Variants in ADAR observed in about 807,000 individuals in gnomAD.
ADAR encodes the protein adenosine deaminase RNA specific, also known as double-stranded RNA-specific adenosine deaminase.
A neutral mutation model predicts 113.2 loss-of-function variants in ADAR; 41 were observed. That is an observed-to-expected ratio of 0.36 (90% confidence interval 0.28 to 0.47). The LOEUF is 0.47. ADAR is among the 20% of genes least tolerant of loss of function. The probability of loss-of-function intolerance (pLI) is 1.00; values close to 1 mark genes in which losing one functional copy is unlikely to be tolerated. For missense variants in ADAR, 1,242 were observed against 1,540.9 expected (o/e 0.81, Z 3.25); for synonymous variants, 605 against 572.6 (o/e 1.06, Z -0.81).
At chr1:154,613,004 C>G (rs9426826), upstream of ADAR, among the ~76,000 whole-genome samples, 61,199 of 150,928 alleles carry the variant, frequency 0.41, 13,475 homozygotes, top group East Asian at 0.54. Context: ...GTAGAGACGG[C>G]GTTTCACCGT....
upstream of ADAR, chr1:154,627,979 T>G (rs1307694652): frequency 5.9e-6 from 3 of 508,922 alleles, no homozygotes; most frequent in Non-Finnish European, 1.2e-5. Context: ...AATGGTCTGG[T>G]CGCAGATTGG....
At chr1:154,587,707 G>A (rs1009988157) in intron 11 of ADAR, among the ~76,000 whole-genome samples, 1 of 152,186 alleles carries the variant, frequency 6.6e-6, no homozygotes, top group African/African-American at 2.4e-5. Flanking sequence ...CTAGACAGGA[G>A]GGGACCCCAG....
In ADAR at chr1:154,596,274, GCT is replaced by G. The variant is rs540933731; in HGVS notation, c.2270+529_2270+530del. 2.4e-3 allele frequency among the ~76,000 whole-genome samples: 361 copies of G among 152,184 alleles called. 8 individuals are homozygous for G. Among genetic ancestry groups the G allele is most frequent in the Admixed American group, 0.022 (329 of 15,290 alleles). ...ATGATTTTTTTCAAGATGGAGTCTT[GCT>G]CTGTTGCTCAGGCTGGAGTGCAGTG... On this transcript the variant is annotated intron_variant, in intron 6 of 14. Transcript: ENST00000368474.
rs558906089 is a variant in ADAR at position 154,584,438 on chromosome 1, C to T, written c.*368G>A. On this transcript the variant is annotated 3_prime_UTR_variant, in exon 15 of 15. Coordinates refer to ENST00000368474, the MANE Select transcript of ADAR (RefSeq NM_001111.5). ...GAGTTGACTGAAACCTAATCAAGAC[C>T]GCAAGAGGTCAGTGTAGCAAACACA... 174 of 230,000 alleles carry T rather than the reference C, an allele frequency of 7.6e-4. No individual in the cohort carries two copies. Among genetic ancestry groups the T allele is most frequent in the Non-Finnish European group, 1.1e-3 (133 of 116,314 alleles). 14.2% of individuals were successfully genotyped at this position (230,000 alleles called of 1,614,324 possible). A position where few individuals can be genotyped will look rare whatever the true frequency, so the allele number is the denominator to read the frequency against.
chr1:154,604,232 T>C (rs1026540609), intron 1 of ADAR, among the ~76,000 whole-genome samples: 7 of 152,260 alleles, frequency 4.6e-5, no homozygotes, highest in African/African-American at 9.6e-5. Context: ...CTGTGGGCCA[T>C]AGTTTCTTGA....
intron 1 of ADAR, among the ~76,000 whole-genome samples, chr1:154,604,196 T>A (rs1421697193): frequency 3.3e-5 from 5 of 152,356 alleles, no homozygotes; most frequent in South Asian, 2.1e-4. Flanking sequence ...CATGAAGCTT[T>A]ATTTATAAAA....
Position 154,584,978 on chromosome 1 carries a change from G to A in ADAR, c.3509C>T (p.Ser1170Phe), listed in dbSNP as rs1696650377. ...NIFLLFKKLCSFRYRRDLLRL... is the reference protein window; with the variant it reads ...NIFLLFKKLCFFRYRRDLLRL... Reference sequence around the variant, plus strand: ...CAGTAGATCCCTGCGGTAACGGAAGGAGCAGAGCTTCTTAAATAGAAGAAA... The same window carrying A: ...CAGTAGATCCCTGCGGTAACGGAAGAAGCAGAGCTTCTTAAATAGAAGAAA... Residue 1170 changes from serine to phenylalanine, a missense_variant, in exon 15 of 15, where the codon TCC becomes TTC. By Grantham distance (155) the Ser-to-Phe change is radical. Coordinates refer to ENST00000368474, the MANE Select transcript of ADAR (RefSeq NM_001111.5). The A allele has an allele frequency of 1.9e-6, 3 of 1,614,162 alleles. No homozygotes were observed. The highest frequency in any genetic ancestry group is 1.7e-6 in the Non-Finnish European group (2 of 1,180,032).
chr1:154,592,582 T>C (rs963330720), intron 6 of ADAR, among the ~76,000 whole-genome samples: 1 of 151,920 alleles, frequency 6.6e-6, no homozygotes, highest in Non-Finnish European at 1.5e-5. Context: ...GTATAACCAA[T>C]AGGACTTAAG....
Position 154,602,386 on chromosome 1 carries a change from T to C in ADAR, c.256A>G (p.Arg86Gly), listed in dbSNP as rs748523238. 2.5e-6 allele frequency: 4 copies of C among 1,602,754 alleles called. No homozygotes were observed. The highest frequency in any genetic ancestry group is 1.3e-5 in the African/African-American group (1 of 74,826). The change falls in exon 2 of 15, where the codon AGG becomes GGG. Residue 86 changes from arginine (R) to glycine (G), a missense_variant. Around this residue, in one of 2 missense-constraint regions of ADAR, gnomAD observed 462 missense variants for 483.1 expected, o/e 0.96. Coordinates refer to ENST00000368474, the MANE Select transcript of ADAR (RefSeq NM_001111.5). ...PVLLASSTRG[R>G]QVDIRGVPRG... Reference sequence around the variant, plus strand: ...GGGACACCCCTGATGTCCACTTGCCTGCCTCTGGTACTGGAGGCAAGTAGT... The same window carrying C: ...GGGACACCCCTGATGTCCACTTGCCCGCCTCTGGTACTGGAGGCAAGTAGT...
At chr1:154,618,388 T>C (rs1313350143) in intron 1 of ADAR, among the ~76,000 whole-genome samples, 2 of 152,134 alleles carry the variant, frequency 1.3e-5, no homozygotes, top group African/African-American at 2.4e-5. Flanking sequence ...TTACTGCAAA[T>C]ACTATGAGGT....
chr1:154,624,371 A>G (rs1220958610), intron 1 of ADAR, among the ~76,000 whole-genome samples: 2 of 152,146 alleles, frequency 1.3e-5, no homozygotes, highest in African/African-American at 2.4e-5. Flanking sequence ...AAGATGGTGA[A>G]ATAGGTAGCT....
chr1:154,616,710 T>A (rs1481429611), intron 1 of ADAR, among the ~76,000 whole-genome samples: 2 of 152,258 alleles, frequency 1.3e-5, no homozygotes, highest in East Asian at 3.8e-4. Context: ...TGTTTTGCTT[T>A]CAGCGTGCTC....
In ADAR at chr1:154,596,906, C is replaced by T. The variant is rs1697537060; in HGVS notation, c.2169G>A (p.Leu723=). The change falls in exon 6 of 15, where the codon CTG becomes CTA. Residue 723 remains leucine, a synonymous_variant. Coordinates refer to ENST00000368474, the MANE Select transcript of ADAR (RefSeq NM_001111.5). Reference sequence around the variant, plus strand: ...AAAGGCCACCCACAGGGTTGGTGTTCAGGTATCTCACGAGCTCGCCAATCT... The same window carrying T: ...AAAGGCCACCCACAGGGTTGGTGTTTAGGTATCTCACGAGCTCGCCAATCT... ...VRKIGELVRY[L]NTNPVGGLLE... The T allele has an allele frequency of 6.2e-7, 1 of 1,614,068 alleles. No homozygotes were observed. The highest frequency in any genetic ancestry group is 1.3e-5 in the African/African-American group (1 of 74,928).
upstream of ADAR, among the ~76,000 whole-genome samples, chr1:154,608,492 CTTTTT>C (rs67463447): frequency 2.7e-4 from 18 of 65,768 alleles, no homozygotes; most frequent in Admixed American, 4.5e-4. Flanking sequence ...TCACTCCTGG[CTTTTT>C]TTTTTTTTTT....
At position 154,602,095 on chromosome 1, in the gene ADAR, C is replaced by T. The variant is rs779939725; in HGVS notation, c.547G>A (p.Gly183Ser). ...NRVLYSLAKK[G>S]KLQKEAGTPP... ...GTTCCTGCCTCTTTCTGTAGCTTGC[C>T]CTTCTTTGCCAGGGAGTATAAAACT... Residue 183 changes from glycine to serine, a missense_variant, in exon 2 of 15, where the codon GGC becomes AGC. Gly to Ser is a moderately conservative substitution (Grantham distance 56, BLOSUM62 0). Transcript: ENST00000368474. The T allele has an allele frequency of 3.0e-5, 49 of 1,614,102 alleles. No individual in the cohort carries two copies. Among genetic ancestry groups the T allele is most frequent in the Admixed American group, 3.3e-5 (2 of 60,006 alleles).
At chr1:154,589,588 T>C in intron 8 of ADAR, 126 bp from the exon 9 acceptor site, 3 of 1,177,702 alleles carry the variant, frequency 2.5e-6, no homozygotes, top group Non-Finnish European at 3.7e-6. Context: ...TAGACTCCCA[T>C]ATTCTCTCCT....
chr1:154,621,253 C>T (rs1698785208), intron 1 of ADAR, among the ~76,000 whole-genome samples: 1 of 151,610 alleles, frequency 6.6e-6, no homozygotes, highest in Non-Finnish European at 1.5e-5. Flanking sequence ...AAACTGAATG[C>T]TAGCTTTTTA....
At chr1:154,626,071 T>A (rs912600624) in intron 1 of ADAR, among the ~76,000 whole-genome samples, 2 of 145,606 alleles carry the variant, frequency 1.4e-5, no homozygotes, top group Admixed American at 1.4e-4. Context: ...CTACTCGGGA[T>A]AAAATTGAAA....
intron 1 of ADAR, among the ~76,000 whole-genome samples, chr1:154,615,056 G>A (rs931140832): frequency 2.0e-5 from 3 of 152,236 alleles, no homozygotes; most frequent in Admixed American, 6.5e-5. Context: ...AGCGATGCCA[G>A]CACCCACCAG....
Sources: allele counts gnomAD v4.1 joint callset (sites outside exome capture counted in the v4.1 genomes callset), GRCh38; gene constraint gnomAD v4.1.1; regional missense constraint gnomAD v4.1.1; transcripts MANE v1.5; gene names NCBI Gene and HGNC (gene_info 2026-07-23, HGNC 2026-07-21).